SDK1: variants seen among roughly 807,000 people sequenced by gnomAD.
SDK1 encodes the protein protein sidekick-1.
SDK1 carries 157 observed loss-of-function variants against 245.5 expected under a neutral mutation model. The ratio of observed to expected loss-of-function variants is 0.64; its 90% confidence interval spans 0.56 to 0.73. The LOEUF (loss-of-function observed/expected upper bound fraction) is 0.73, where lower values mean the gene tolerates loss of function less well. Among genes scored for constraint, SDK1 ranks in the 30% least tolerant of loss-of-function variants. The pLI, the probability that SDK1 is intolerant of heterozygous loss-of-function variation, is 0.00. For missense variants in SDK1, 3,583 were observed against 3,002.3 expected, an observed-to-expected ratio of 1.19 and a Z score of -4.52; for synonymous variants, 1,647 against 1,278.5, an observed-to-expected ratio of 1.29 and a Z score of -6.15.
intron 4 of SDK1, among the ~76,000 whole-genome samples, chr7:3,682,922 CG>C (rs1465880682): frequency 6.6e-6 from 1 of 151,970 alleles, no homozygotes; most frequent in East Asian, 1.9e-4. Context: ...TTAGTAGAGA[CG>C]GGGTTTCACC....
rs1346708488 is a variant in SDK1, at chr7:4,221,328, C to T, written c.5791C>T (p.Pro1931Ser). The part of the protein sequence containing the change: ...QWTEGHSGDT[P>S]TTGYVIEARP... Reference sequence around the variant, plus strand: ...GACTGAGGGACACTCTGGCGACACACCTACCACGGGCTATGTGATCGAGGC... The same window carrying T: ...GACTGAGGGACACTCTGGCGACACATCTACCACGGGCTATGTGATCGAGGC... The change falls in exon 40 of 45, where the codon CCT becomes TCT. Residue 1931 changes from proline to serine, a missense_variant. Physicochemically the swap from Pro to Ser is moderately conservative, Grantham distance 74. Coordinates refer to ENST00000404826, the MANE Select transcript of SDK1 (RefSeq NM_152744.4). 10 of 1,612,862 alleles carry T rather than the reference C, an allele frequency of 6.2e-6. No homozygotes were observed. The highest frequency in any genetic ancestry group is 6.8e-6 in the Non-Finnish European group (8 of 1,179,590).
intron 3 of SDK1, among the ~76,000 whole-genome samples, chr7:3,639,960 C>T (rs1453815070): frequency 6.6e-6 from 1 of 152,144 alleles, no homozygotes; most frequent in East Asian, 1.9e-4. Flanking sequence ...GATCCTCCCT[C>T]CTCAGCCTCC....
At chr7:4,012,410 C>T (rs964607758) in intron 16 of SDK1, among the ~76,000 whole-genome samples, 175 bp downstream of exon 16, 7 of 151,992 alleles carry the variant, frequency 4.6e-5, no homozygotes, top group Admixed American at 6.6e-5. Context: ...CACAGGCCAA[C>T]GTGGGCAGCC....
At chr7:3,520,332 A>G (rs188455113) in intron 1 of SDK1, among the ~76,000 whole-genome samples, 3 of 152,274 alleles carry the variant, frequency 2.0e-5, no homozygotes, top group Non-Finnish European at 4.4e-5. Context: ...AACCTAGGTA[A>G]GAACATCCTG....
At chr7:3,870,770 T>C (rs371530413) in intron 5 of SDK1, among the ~76,000 whole-genome samples, 1 of 152,206 alleles carries the variant, frequency 6.6e-6, no homozygotes, top group Non-Finnish European at 1.5e-5. Context: ...ATGTAGATTT[T>C]ACCCATTTTT....
rs796933752 is a variant in SDK1 at position 4,264,683 on chromosome 7, A to G, written c.6382-441A>G. Among the ~76,000 whole-genome samples, 49 of 144,516 alleles carry G rather than the reference A, an allele frequency of 3.4e-4. 1 individual carries two copies. The highest frequency in any genetic ancestry group is 6.6e-4 in the Non-Finnish European group (44 of 66,530). The allele number at this position is 144,516 out of a possible 152,430, so 94.8% of individuals were successfully genotyped here. A position where few individuals can be genotyped will look rare whatever the true frequency, so the allele number is the denominator to read the frequency against. ...CTCTCCTGAGTGAGGGAGGCTGCGT[A>G]GATCTCTCCTGAGTGGGGAGGCGGT... On this transcript the variant is annotated intron_variant, in intron 44 of 44. Coordinates refer to ENST00000404826, the MANE Select transcript of SDK1 (RefSeq NM_152744.4).
intron 1 of SDK1, among the ~76,000 whole-genome samples, chr7:3,304,527 G>A (rs917714032): frequency 6.6e-6 from 1 of 152,196 alleles, no homozygotes; most frequent in Admixed American, 6.5e-5. Flanking sequence ...GGATAGGAAT[G>A]TTCTTGTCCA....
intron 1 of SDK1, among the ~76,000 whole-genome samples, chr7:3,459,344 A>T (rs1522501): frequency 0.75 from 114,003 of 152,044 alleles, 42,962 homozygotes; most frequent in South Asian, 0.82. Context: ...TGGTTTCAAA[A>T]GACTTGAAAT....
At chr7:3,927,424 C>G (rs962734285) in intron 5 of SDK1, among the ~76,000 whole-genome samples, 2 of 152,138 alleles carry the variant, frequency 1.3e-5, no homozygotes, top group Admixed American at 6.5e-5. Context: ...TTTGTTCTCA[C>G]AACAACTCTG....
intron 1 of SDK1, among the ~76,000 whole-genome samples, chr7:3,320,735 A>G (rs1390011620): frequency 6.6e-6 from 1 of 152,208 alleles, no homozygotes; most frequent in Non-Finnish European, 1.5e-5. Context: ...ATCTTTGTTA[A>G]AAAAGAAAAT....
intron 41 of SDK1, among the ~76,000 whole-genome samples, chr7:4,234,114 G>T (rs1785990082): frequency 6.6e-6 from 1 of 152,208 alleles, no homozygotes; most frequent in African/African-American, 2.4e-5. Context: ...CCTGACAAGA[G>T]GTCACGTCTT....
intron 1 of SDK1, among the ~76,000 whole-genome samples, chr7:3,556,043 T>G (rs891544203): frequency 6.6e-6 from 1 of 152,206 alleles, no homozygotes; most frequent in African/African-American, 2.4e-5. Flanking sequence ...AGCTACCATA[T>G]GATCCAGCAA....
At chr7:3,567,026 C>T (rs1215986934) in intron 1 of SDK1, among the ~76,000 whole-genome samples, 2 of 152,206 alleles carry the variant, frequency 1.3e-5, no homozygotes, top group Non-Finnish European at 2.9e-5. Context: ...CCCAGAAATA[C>T]TGATCCCACA....
At chr7:4,157,847 T>C (rs1489877619) in intron 30 of SDK1, among the ~76,000 whole-genome samples, 1 of 151,914 alleles carries the variant, frequency 6.6e-6, no homozygotes, top group Non-Finnish European at 1.5e-5. Context: ...ATGGTAGGGG[T>C]GCGGGGCTGG....
chr7:3,308,402 A>T (rs1253518112), intron 1 of SDK1, among the ~76,000 whole-genome samples: 1 of 152,164 alleles, frequency 6.6e-6, no homozygotes, highest in Non-Finnish European at 1.5e-5. Flanking sequence ...AATTGTCTTC[A>T]TTAGGGGCTT....
chr7:4,038,358 G>A (rs889100202), intron 17 of SDK1, among the ~76,000 whole-genome samples: 1 of 151,144 alleles, frequency 6.6e-6, no homozygotes, highest in Non-Finnish European at 1.5e-5. Flanking sequence ...TCTATGACCG[G>A]GGCAAACAAT....
In SDK1 at chr7:3,413,608, T is replaced by C. The variant is rs547088736; in HGVS notation, c.298+111724T>C. ...GGGAGGGCTGAGACAGGAGGATCACTTGAACCCAGGGGGCGGTGGTTGCCT... is the reference window on the plus strand; with the variant it reads ...GGGAGGGCTGAGACAGGAGGATCACCTGAACCCAGGGGGCGGTGGTTGCCT... On this transcript the variant is annotated intron_variant, in intron 1 of 44. Transcript: ENST00000404826. Among the ~76,000 whole-genome samples, 7 of 152,196 alleles carry C rather than the reference T, an allele frequency of 4.6e-5. No homozygotes were observed. The South Asian group carries it at 1.5e-3, about 32-fold the overall frequency.
intron 39 of SDK1, 102 bp downstream of exon 39, chr7:4,220,372 T>C (rs1785078225): frequency 3.0e-6 from 4 of 1,316,554 alleles, no homozygotes; most frequent in Non-Finnish European, 4.2e-6. Context: ...CAAGGTGATG[T>C]TGGCGGCCAA....
At chr7:4,015,558 C>T (rs1017543359) in intron 16 of SDK1, among the ~76,000 whole-genome samples, 8 of 152,194 alleles carry the variant, frequency 5.3e-5, no homozygotes, top group Non-Finnish European at 1.2e-4. Flanking sequence ...AGTGGCCCAC[C>T]GCCTTGAGGA....
Sources: gnomAD v4.1 joint callset for allele counts (sites outside exome capture counted in the v4.1 genomes callset) on GRCh38, gnomAD v4.1.1 for gene constraint, MANE v1.5 for transcripts, NCBI Gene and HGNC (gene_info 2026-07-23, HGNC 2026-07-21) for gene names.